Variants in PLEKHG1 observed in about 807,000 individuals in gnomAD.
The protein encoded by PLEKHG1 is pleckstrin homology domain-containing family G member 1.
PLEKHG1 carries 44 observed loss-of-function variants against 100.8 expected under a neutral mutation model. That is an observed-to-expected ratio of 0.44 (90% CI 0.34 to 0.56). The LOEUF (loss-of-function observed/expected upper bound fraction) is 0.56. Ranked by LOEUF, PLEKHG1 falls within the 20% of genes least tolerant of loss-of-function variation. The pLI is 0.01. For missense variants in PLEKHG1, 1,545 were observed against 1,720.9 expected (o/e 0.90, Z 1.81); for synonymous variants, 640 against 662.5 (o/e 0.97, Z 0.52).
chr6:150,812,938 C>T (rs746153309), intron 10 of PLEKHG1, among the ~76,000 whole-genome samples: 9 of 152,112 alleles, frequency 5.9e-5, no homozygotes, highest in Non-Finnish European at 1.0e-4. Flanking sequence ...TTCACTCGTG[C>T]AGATAATAAA....
At chr6:150,618,294 A>C (rs921522168) in intron 1 of PLEKHG1, among the ~76,000 whole-genome samples, 1 of 152,190 alleles carries the variant, frequency 6.6e-6, no homozygotes, top group Non-Finnish European at 1.5e-5. Context: ...TGCTGAATTG[A>C]ATGATTGTTT....
intron 3 of PLEKHG1, among the ~76,000 whole-genome samples, chr6:150,679,826 T>C (rs1779876212): frequency 6.6e-6 from 1 of 152,074 alleles, no homozygotes; most frequent in South Asian, 2.1e-4. Flanking sequence ...GAAAAAAAAA[T>C]ACAGGTAGGC....
chr6:150,718,601 C>G (rs1781530969), upstream of PLEKHG1, among the ~76,000 whole-genome samples: 1 of 151,782 alleles, frequency 6.6e-6, no homozygotes, highest in Admixed American at 6.6e-5. Flanking sequence ...TCCCGAGTAG[C>G]TGGGATTATA....
chr6:150,772,663 A>G (rs1203599230), intron 3 of PLEKHG1, among the ~76,000 whole-genome samples: 1 of 152,170 alleles, frequency 6.6e-6, no homozygotes, highest in Non-Finnish European at 1.5e-5. Flanking sequence ...CATGGCATAC[A>G]TGGTGTCAGC....
intron 7 of PLEKHG1, among the ~76,000 whole-genome samples, chr6:150,806,009 C>G (rs1210592547): frequency 1.3e-5 from 2 of 152,172 alleles, no homozygotes. Context: ...AGGCCAGTTC[C>G]AGGCTCCTGG....
Position 150,791,960 on chromosome 6 carries a change from TATTG to T in PLEKHG1, c.583-3894_583-3891del, listed in dbSNP as rs145610259. ...GGTGTTGCTATTGTTATTCTGAAAT[TATTG>T]AGTGTGTTGCAAGATAAAGCAAAGA... On this transcript the variant is annotated intron_variant, in intron 4 of 15. Transcript: ENST00000358517. 6.3e-3 allele frequency among the ~76,000 whole-genome samples: 953 copies of T among 152,290 alleles called. 10 individuals carry two copies. The highest frequency in any genetic ancestry group is 0.022 in the African/African-American group (915 of 41,554).
At chr6:150,725,767 C>CT (rs11396419) in intron 1 of PLEKHG1, among the ~76,000 whole-genome samples, 29,754 of 146,506 alleles carry the variant, frequency 0.2, 4,385 homozygotes, top group African/African-American at 0.41. Context: ...TTTTTTTTTT[C>CT]TTTTTTTTTC....
intron 7 of PLEKHG1, among the ~76,000 whole-genome samples, chr6:150,807,165 G>A (rs1178229734): frequency 6.6e-6 from 1 of 152,148 alleles, no homozygotes. Flanking sequence ...AGTTATTGTT[G>A]TTAATATCTT....
chr6:150,713,991 G>A (rs1301241704), intron 3 of PLEKHG1, among the ~76,000 whole-genome samples: 1 of 152,110 alleles, frequency 6.6e-6, no homozygotes, highest in African/African-American at 2.4e-5. Context: ...ACGTACTGCT[G>A]TAAGATTTCA....
In PLEKHG1 at chr6:150,702,113, A is replaced by C. The variant is rs113348274; in HGVS notation, c.-98-31471A>C. Reference sequence around the variant, plus strand: ...TTTAAAATATAAAACTAAATTTTCAACAAATGAGACATGAACATCTTTTGC... The same window carrying C: ...TTTAAAATATAAAACTAAATTTTCACCAAATGAGACATGAACATCTTTTGC... On this transcript the variant is annotated intron_variant, in intron 3 of 3. Transcript: ENST00000367326. Among the ~76,000 whole-genome samples the C allele has an allele frequency of 1.0e-3, 152 of 152,352 alleles. 2 individuals carry two copies. Among genetic ancestry groups the C allele is most frequent in the Middle Eastern group, 3.4e-3 (1 of 294 alleles).
At chr6:150,816,018 T>C (rs1261864141) in intron 10 of PLEKHG1, among the ~76,000 whole-genome samples, 1 of 152,078 alleles carries the variant, frequency 6.6e-6, no homozygotes, top group African/African-American at 2.4e-5. Flanking sequence ...TACTACATGG[T>C]AATATATAAT....
chr6:150,740,865 T>A (rs1004167127), intron 2 of PLEKHG1, among the ~76,000 whole-genome samples: 2 of 152,240 alleles, frequency 1.3e-5, no homozygotes, highest in African/African-American at 4.8e-5. Context: ...TCGGAGTCAC[T>A]CCTTAAATAG....
At chr6:150,830,803 G>T (rs141197193) in exon 15 of PLEKHG1, 2 of 1,614,086 alleles carry the variant, frequency 1.2e-6, no homozygotes, top group East Asian at 2.2e-5. Flanking sequence ...TGTTCGTGCC[G>T]TCATTTTCCT....
chr6:150,806,337 C>T (rs957787108), intron 7 of PLEKHG1, among the ~76,000 whole-genome samples: 4 of 150,354 alleles, frequency 2.7e-5, no homozygotes, highest in South Asian at 2.1e-4. Context: ...CCCCCCTATC[C>T]GCAGTTTCAC....
intron 2 of PLEKHG1, among the ~76,000 whole-genome samples, chr6:150,740,672 C>G (rs1782809293): frequency 6.6e-6 from 1 of 152,168 alleles, no homozygotes; most frequent in Non-Finnish European, 1.5e-5. Flanking sequence ...TAATAAGGAA[C>G]TTACACTGTG....
chr6:150,809,505 A>G, intron 9 of PLEKHG1, 29 bp downstream of exon 10: 1 of 1,577,114 alleles, frequency 6.3e-7, no homozygotes, highest in Non-Finnish European at 8.7e-7. Flanking sequence ...CCTCTCCGCA[A>G]GGCCCCTTTG....
chr6:150,651,455 A>C (rs1463312475), intron 3 of PLEKHG1, among the ~76,000 whole-genome samples: 1 of 152,058 alleles, frequency 6.6e-6, no homozygotes, highest in East Asian at 1.9e-4. Flanking sequence ...GCTGGTCATG[A>C]ACTCCTGACC....
chr6:150,749,430 A>G (rs954198554), intron 2 of PLEKHG1, among the ~76,000 whole-genome samples: 1 of 152,188 alleles, frequency 6.6e-6, no homozygotes, highest in Admixed American at 6.5e-5. Context: ...TAGGGGAACA[A>G]TTAAGGTCAC....
intron 3 of PLEKHG1, among the ~76,000 whole-genome samples, chr6:150,695,920 CGTCAGGAAGAAAG>C (rs1342151814): frequency 3.9e-5 from 6 of 152,236 alleles, no homozygotes; most frequent in African/African-American, 1.4e-4. Context: ...AAGTCATACT[CGTCAGGAAGAAAG>C]GGCAGGAAAA....
Sources: allele counts gnomAD v4.1 joint callset (sites outside exome capture counted in the v4.1 genomes callset), GRCh38; gene constraint gnomAD v4.1.1; transcripts MANE v1.5; gene names NCBI Gene and HGNC (gene_info 2026-07-23, HGNC 2026-07-21).